The following DUSP28 variants were observed in gnomAD, a reference collection of about 807,000 sequenced individuals.
DUSP28 encodes the protein dual specificity phosphatase 28.
DUSP28 carries 11 observed loss-of-function variants against 8.4 expected under a neutral mutation model. The observed-to-expected ratio is 1.31, with a 90% CI of 0.83 to 2.17. DUSP28 has a LOEUF of 2.17. Among genes scored for constraint, DUSP28 ranks in the 30% most tolerant of loss-of-function variants. The pLI is 0.00. For missense variants in DUSP28, 373 were observed against 270.4 expected (o/e 1.38, Z -2.66); for synonymous variants, 178 against 130.9 (o/e 1.36, Z -2.46).
Position 240,561,034 on chromosome 2 carries a change from A to ACCT in DUSP28, c.352_354dup (p.Leu118dup). On this transcript the variant is annotated inframe_insertion, in exon 1 of 2. Coordinates refer to ENST00000405954, the MANE Select transcript of DUSP28 (RefSeq NM_001370465.2). ...CGCTCGGCCGCCGTCTGCACCGCGTACCTCATGCGGCACCGCGGCCTCAGC... is the reference window on the plus strand; with the variant it reads ...CGCTCGGCCGCCGTCTGCACCGCGTACCTCCTCATGCGGCACCGCGGCCTCAGC... 1 of 1,529,142 alleles carries ACCT rather than the reference A, an allele frequency of 6.5e-7. No homozygotes were observed. The highest frequency in any genetic ancestry group is 8.7e-7 in the Non-Finnish European group (1 of 1,149,140). 94.7% of individuals were successfully genotyped at this position (1,529,142 alleles called of 1,614,324 possible).
chr2:240,561,259 G>T (rs935231089), intron 1 of DUSP28, 71 bp from the exon 2 acceptor site: 7 of 1,607,988 alleles, frequency 4.4e-6, no homozygotes, highest in Non-Finnish European at 5.9e-6. Flanking sequence ...CACTCTTACA[G>T]CTGGGCCCGC....
rs2092995802 is a variant in DUSP28, at chr2:240,564,327, CCCACGGCA to C, written c.*2868_*2875del. ...ACCAGTGCCCTCTGAGGTCCATGGT[CCCACGGCA>C]CCACGGCCGCCCAGTGCACTCGCCT... On this transcript the variant is annotated 3_prime_UTR_variant, in exon 2 of 2. Coordinates refer to ENST00000405954, the MANE Select transcript of DUSP28 (RefSeq NM_001370465.2). Among the ~76,000 whole-genome samples the C allele has an allele frequency of 6.6e-6, 1 of 152,212 alleles. No individual in the cohort carries two copies.
Position 240,560,869 on chromosome 2 carries a change from G to GC in DUSP28, c.186dup (p.Val63ArgfsTer14), listed in dbSNP as rs1310514156. On this transcript the variant is annotated frameshift_variant, in exon 1 of 2. Transcript: ENST00000405954. LOFTEE classifies it high-confidence loss of function. ...CAGCAGCCCGGCCCGCGCGCGCCCG[G>GC]CGTGGCAGAGCTGCGCGTGCCCGTG... 7.2e-7 allele frequency: 1 copy of GC among 1,388,962 alleles called. No individual in the cohort carries two copies. Among genetic ancestry groups the GC allele is most frequent in the African/African-American group, 1.5e-5 (1 of 66,794 alleles). 86.0% of individuals were successfully genotyped at this position (1,388,962 alleles called of 1,614,324 possible). A position where few individuals can be genotyped will look rare whatever the true frequency, so the allele number is the denominator to read the frequency against.
In DUSP28 at chr2:240,560,493, C is replaced by T. The variant is rs1258077517; in HGVS notation, c.-192C>T. The T allele has an allele frequency of 4.7e-6, 4 of 859,330 alleles. No individual in the cohort carries two copies. Among genetic ancestry groups the T allele is most frequent in the East Asian group, 3.4e-5 (1 of 29,310 alleles). 53.2% of individuals were successfully genotyped at this position (859,330 alleles called of 1,614,324 possible). ...ACCTCCCGCCATGCCCCGGCCCCAA[C>T]GAGACCCAAGCCCCCTGTCCCGGCC... On this transcript the variant is annotated 5_prime_UTR_variant, in exon 1 of 2. The change creates a new upstream start codon in the 5' untranslated region. Transcript: ENST00000405954.
At position 240,563,965 on chromosome 2, in the gene DUSP28, G is replaced by A. The variant is rs563729879; in HGVS notation, c.*2498G>A. ...AGGCAAGAGGGTTGTATATTTTCCCGTTGGAGACACATCTGGAATTTGCTG... is the reference window on the plus strand; with the variant it reads ...AGGCAAGAGGGTTGTATATTTTCCCATTGGAGACACATCTGGAATTTGCTG... On this transcript the variant is annotated 3_prime_UTR_variant, in exon 2 of 2. Transcript: ENST00000405954. 3.3e-5 allele frequency: 5 copies of A among 152,346 alleles called. No individual in the cohort carries two copies. The highest frequency in any genetic ancestry group is 7.3e-5 in the Non-Finnish European group (5 of 68,038). 9.4% of individuals were successfully genotyped at this position (152,346 alleles called of 1,614,324 possible).
Position 240,560,893 on chromosome 2 carries a change from T to G in DUSP28, c.209T>G (p.Val70Gly). The change falls in exon 1 of 2, where the codon GTG becomes GGG. Residue 70 changes from valine to glycine, a missense_variant. By Grantham distance (109) the Val-to-Gly change is moderately radical. Transcript: ENST00000405954. The part of the protein sequence containing the change: ...APGVAELRVP[V>G]FDDPAEDLLA... ...GGCGTGGCAGAGCTGCGCGTGCCCG[T>G]GTTCGACGACCCGGCTGAGGACCTG... The G allele has an allele frequency of 6.6e-7, 1 of 1,519,132 alleles. No individual in the cohort carries two copies. The highest frequency in any genetic ancestry group is 8.7e-7 in the Non-Finnish European group (1 of 1,147,228). 94.1% of individuals were successfully genotyped at this position (1,519,132 alleles called of 1,614,324 possible). A position where few individuals can be genotyped will look rare whatever the true frequency, so the allele number is the denominator to read the frequency against.
At position 240,561,075 on chromosome 2, in the gene DUSP28, C is replaced by T; in HGVS notation, c.391C>T (p.Gln131Ter). 6.7e-7 allele frequency: 1 copy of T among 1,485,454 alleles called. No homozygotes were observed. The allele number at this position is 1,485,454 out of a possible 1,614,324, so 92.0% of individuals were successfully genotyped here. A position where few individuals can be genotyped will look rare whatever the true frequency, so the allele number is the denominator to read the frequency against. ...CGGCCTCAGCCTGGCGAAGGCCTTC[C>T]AGGTGGGCGGGCCTTTAGGGGGGCG... ...HRGLSLAKAF[Q>*]MVKSARPVAE... Residue 131 changes from glutamine to a stop codon, truncating the protein, a stop_gained and splice_region_variant, in exon 1 of 2, where the codon CAG becomes TAG. Transcript: ENST00000405954. LOFTEE classifies it low-confidence loss of function (END_TRUNC).
rs1019059025 is a variant in DUSP28, at chr2:240,563,218, TTTCTTGAGACGGA to T, written c.*1752_*1764del. On this transcript the variant is annotated 3_prime_UTR_variant, in exon 2 of 2. Coordinates refer to ENST00000405954, the MANE Select transcript of DUSP28 (RefSeq NM_001370465.2). ...ATCCACTGAGCATTTCTTTTTTTTT[TTTCTTGAGACGGA>T]GTCTCACTCTGGTGCCCAGGCTGGA... 10 of 152,212 alleles carry T rather than the reference TTTCTTGAGACGGA, an allele frequency of 6.6e-5. No individual in the cohort carries two copies. The highest frequency in any genetic ancestry group is 1.3e-4 in the Non-Finnish European group (9 of 68,032). 9.4% of individuals were successfully genotyped at this position (152,212 alleles called of 1,614,324 possible).
In DUSP28 at chr2:240,561,020, C is replaced by G; in HGVS notation, c.336C>G (p.Ala112=). 1 of 1,536,636 alleles carries G rather than the reference C, an allele frequency of 6.5e-7. No individual in the cohort carries two copies. Among genetic ancestry groups the G allele is most frequent in the Non-Finnish European group, 8.7e-7 (1 of 1,153,302 alleles). The change falls in exon 1 of 2, where the codon GCC becomes GCG. Residue 112 remains alanine (A), a synonymous_variant. Coordinates refer to ENST00000405954, the MANE Select transcript of DUSP28 (RefSeq NM_001370465.2). The part of the protein sequence containing the change: ...YCKNGRSRSA[A]VCTAYLMRHR... ...AGAACGGCCGCAGCCGCTCGGCCGC[C>G]GTCTGCACCGCGTACCTCATGCGGC...
At chr2:240,561,277 C>T (rs1423863184) in intron 1 of DUSP28, 53 bp from the exon 2 acceptor site, 3 of 1,611,748 alleles carry the variant, frequency 1.9e-6, no homozygotes, top group Non-Finnish European at 8.5e-7. Flanking sequence ...CGCCTTGGCC[C>T]CTGCTGGCCA....
rs777744662 is a variant in DUSP28, at chr2:240,560,963, G to A, written c.279G>A (p.Val93=). ...EPTCAAMEAA[V]RAGGACLVYC... is the part of the protein sequence containing the mutation. ...CGTGCGCCGCCATGGAGGCCGCGGT[G>A]CGCGCCGGCGGCGCCTGCCTAGTCT... The change falls in exon 1 of 2, where the codon GTG becomes GTA. Residue 93 remains valine, a synonymous_variant. Coordinates refer to ENST00000405954, the MANE Select transcript of DUSP28 (RefSeq NM_001370465.2). 9 of 1,517,282 alleles carry A rather than the reference G, an allele frequency of 5.9e-6. No individual in the cohort carries two copies. The South Asian group carries it at 6.1e-5, about 10-fold the overall frequency. 94.0% of individuals were successfully genotyped at this position (1,517,282 alleles called of 1,614,324 possible). A position where few individuals can be genotyped will look rare whatever the true frequency, so the allele number is the denominator to read the frequency against.
At position 240,561,404 on chromosome 2, in the gene DUSP28, C is replaced by A; in HGVS notation, c.468C>A (p.Ala156=). The A allele has an allele frequency of 6.2e-7, 1 of 1,613,752 alleles. No homozygotes were observed. Residue 156 remains alanine (A), a synonymous_variant, in exon 2 of 2, where the codon GCC becomes GCA. Coordinates refer to ENST00000405954, the MANE Select transcript of DUSP28 (RefSeq NM_001370465.2). ...CTCAGCTCCAGAAGTATGAGGAGGC[C>A]CTCCAGGCCCAGTCCTGCCTGCAGG... The part of the protein sequence containing the change: ...FWSQLQKYEE[A]LQAQSCLQGE...
chr2:240,561,523 G>A lies in DUSP28; in HGVS notation c.*56G>A. 1 of 1,552,890 alleles carries A rather than the reference G, an allele frequency of 6.4e-7. No individual in the cohort carries two copies. Among genetic ancestry groups the A allele is most frequent in the Non-Finnish European group, 8.7e-7 (1 of 1,151,274 alleles). The stretch of plus-strand genomic sequence containing the variant: ...TGTCCCTGCACTGATACAGAAGGCT[G>A]GTCTTTACCCTTCTTCCTCACTGTC... On this transcript the variant is annotated 3_prime_UTR_variant, in exon 2 of 2. Transcript: ENST00000405954.
rs941076129 is a variant in DUSP28, at chr2:240,562,129, G to A, written c.*662G>A. On this transcript the variant is annotated 3_prime_UTR_variant, in exon 2 of 2. Transcript: ENST00000405954. ...TTTGAGACAGAGTCTCTGTTGCCCAGGCTGGAGTGCAGTGGCGCAATCCCG... is the reference window on the plus strand; with the variant it reads ...TTTGAGACAGAGTCTCTGTTGCCCAAGCTGGAGTGCAGTGGCGCAATCCCG... 6 of 152,130 alleles carry A rather than the reference G, an allele frequency of 3.9e-5. No homozygotes were observed. Among genetic ancestry groups the A allele is most frequent in the African/African-American group, 1.5e-4 (6 of 41,370 alleles). The allele number at this position is 152,130 out of a possible 1,614,324, so 9.4% of individuals were successfully genotyped here. A position where few individuals can be genotyped will look rare whatever the true frequency, so the allele number is the denominator to read the frequency against.
chr2:240,560,134 C>G (rs1481774021), upstream of DUSP28: 1 of 152,456 alleles, frequency 6.6e-6, no homozygotes, highest in African/African-American at 2.4e-5. Flanking sequence ...AAAAATGCAC[C>G]AATTACAAAG....
rs1476515035 is a variant in DUSP28 at position 240,561,059 on chromosome 2, C to A, written c.375C>A (p.Ser125Arg). ...ACCTCATGCGGCACCGCGGCCTCAGCCTGGCGAAGGCCTTCCAGGTGGGCG... is the reference window on the plus strand; with the variant it reads ...ACCTCATGCGGCACCGCGGCCTCAGACTGGCGAAGGCCTTCCAGGTGGGCG... ...TAYLMRHRGL[S>R]LAKAFQMVKS... is the part of the protein sequence containing the mutation. The change falls in exon 1 of 2, where the codon AGC becomes AGA. Residue 125 changes from serine (S) to arginine (R), a missense_variant. By Grantham distance (110) the Ser-to-Arg change is moderately radical (BLOSUM62 -1). Coordinates refer to ENST00000405954, the MANE Select transcript of DUSP28 (RefSeq NM_001370465.2). 6.7e-7 allele frequency: 1 copy of A among 1,497,590 alleles called. No individual in the cohort carries two copies. 92.8% of individuals were successfully genotyped at this position (1,497,590 alleles called of 1,614,324 possible).
rs1418357809 is a variant in DUSP28, at chr2:240,560,571, G to A, written c.-114G>A. ...GCCTGGTCCACCTCGGAGGCCTCTAGGACCCGGGGGCGCCCGGCGGCCCGC... is the reference window on the plus strand; with the variant it reads ...GCCTGGTCCACCTCGGAGGCCTCTAAGACCCGGGGGCGCCCGGCGGCCCGC... On this transcript the variant is annotated 5_prime_UTR_variant, in exon 1 of 2. Coordinates refer to ENST00000405954, the MANE Select transcript of DUSP28 (RefSeq NM_001370465.2). The A allele has an allele frequency of 5.3e-6, 7 of 1,313,142 alleles. No homozygotes were observed. In the South Asian group the frequency reaches 6.0e-5, roughly 11 times the overall value. 81.3% of individuals were successfully genotyped at this position (1,313,142 alleles called of 1,614,324 possible).
rs373618234 is a variant in DUSP28, at chr2:240,564,469, A to G, written c.*3002A>G. ...GGGGCAAGGGTCTGCGCATCAGACCACATGGACCCCTGCACCACCATCTGC... is the reference window on the plus strand; with the variant it reads ...GGGGCAAGGGTCTGCGCATCAGACCGCATGGACCCCTGCACCACCATCTGC... On this transcript the variant is annotated 3_prime_UTR_variant, in exon 2 of 2. Coordinates refer to ENST00000405954, the MANE Select transcript of DUSP28 (RefSeq NM_001370465.2). 6.6e-6 allele frequency among the ~76,000 whole-genome samples: 1 copy of G among 152,258 alleles called. No homozygotes were observed. Among genetic ancestry groups the G allele is most frequent in the Non-Finnish European group, 1.5e-5 (1 of 68,034 alleles).
chr2:240,563,204 ATTTC>A lies in DUSP28; in HGVS notation c.*1741_*1744del, dbSNP rs745713712. The A allele has an allele frequency of 1.3e-5, 2 of 151,086 alleles. No homozygotes were observed. Among genetic ancestry groups the A allele is most frequent in the African/African-American group, 2.4e-5 (1 of 41,106 alleles). 9.4% of individuals were successfully genotyped at this position (151,086 alleles called of 1,614,324 possible). ...CAACTATGCCAGTGATCCACTGAGC[ATTTC>A]TTTTTTTTTTTTCTTGAGACGGAGT... is the stretch of plus-strand genomic sequence containing the variant. On this transcript the variant is annotated 3_prime_UTR_variant, in exon 2 of 2. Coordinates refer to ENST00000405954, the MANE Select transcript of DUSP28 (RefSeq NM_001370465.2).
Sources: gnomAD v4.1 joint callset for allele counts (sites outside exome capture counted in the v4.1 genomes callset) on GRCh38, gnomAD v4.1.1 for gene constraint, MANE v1.5 for transcripts, NCBI Gene and HGNC (gene_info 2026-07-23, HGNC 2026-07-21) for gene names.